The following MMRN1 variants were observed in gnomAD, a reference collection of about 807,000 sequenced individuals.
MMRN1 encodes multimerin-1.
MMRN1 carries 94 observed loss-of-function variants against 100.7 expected under a neutral mutation model. That is an observed-to-expected ratio of 0.93 (90% CI 0.79 to 1.11). MMRN1 has a LOEUF of 1.11. Ranked by LOEUF, MMRN1 falls within the 50% of genes least tolerant of loss-of-function variation. MMRN1 has a pLI of 0.00. For synonymous variants in MMRN1, 575 were observed against 505.0 expected, an observed-to-expected ratio of 1.14 and a Z score of -1.86; for missense variants, 1,606 against 1,439.1, an observed-to-expected ratio of 1.12 and a Z score of -1.88.
intron 6 of MMRN1, among the ~76,000 whole-genome samples, chr4:89,937,418 C>G (rs954029965): frequency 1.3e-5 from 2 of 151,986 alleles, no homozygotes; most frequent in Admixed American, 1.3e-4. Flanking sequence ...AGGGATGTTA[C>G]TGAATGAATA....
chr4:89,891,479 CTTTAAG>C (rs1339865813), upstream of MMRN1, among the ~76,000 whole-genome samples: 3 of 152,200 alleles, frequency 2.0e-5, no homozygotes, highest in South Asian at 4.1e-4. Flanking sequence ...TATTTAACTT[CTTTAAG>C]TTTAACTTCC....
rs959024049 is a variant in MMRN1 at position 89,951,892 on chromosome 4, G to A, written c.3265+141G>A. ...TCCTTTTACTTTTTCGAAACTTACT[G>A]AAGAATGTACCTGATTTACAAGTGG... On this transcript the variant is annotated intron_variant, in intron 7 of 7. Transcript: ENST00000264790. 4 of 946,308 alleles carry A rather than the reference G, an allele frequency of 4.2e-6. No homozygotes were observed. The Middle Eastern group carries it at 1.0e-3, about 241-fold the overall frequency. The allele number at this position is 946,308 out of a possible 1,614,324, so 58.6% of individuals were successfully genotyped here.
At chr4:89,938,182 C>G (rs1318422501) in intron 6 of MMRN1, among the ~76,000 whole-genome samples, 1 of 151,590 alleles carries the variant, frequency 6.6e-6, no homozygotes, top group African/African-American at 2.4e-5. Context: ...TGAATTATCT[C>G]TACTATTTAA....
rs1370172674 is a variant in MMRN1 at position 89,954,562 on chromosome 4, G to A, written c.*1144G>A. The stretch of plus-strand genomic sequence containing the variant: ...ATACATTCCTTGGATATCTGACAAC[G>A]TGTTTCTGAAAAACAGATTTTCATA... On this transcript the variant is annotated 3_prime_UTR_variant, in exon 8 of 8. Coordinates refer to ENST00000264790, the MANE Select transcript of MMRN1 (RefSeq NM_007351.3). 2.0e-5 allele frequency: 3 copies of A among 152,046 alleles called. No homozygotes were observed. The highest frequency in any genetic ancestry group is 4.4e-5 in the Non-Finnish European group (3 of 67,996). The allele number at this position is 152,046 out of a possible 1,614,324, so 9.4% of individuals were successfully genotyped here. A position where few individuals can be genotyped will look rare whatever the true frequency, so the allele number is the denominator to read the frequency against.
chr4:89,910,974 A>G (rs1429663392), intron 2 of MMRN1, among the ~76,000 whole-genome samples: 3 of 151,454 alleles, frequency 2.0e-5, no homozygotes, highest in Admixed American at 6.6e-5. Context: ...AGGCTAGCCC[A>G]CATGACATGG....
intron 1 of MMRN1, 130 bp downstream of exon 1, chr4:89,895,724 C>T (rs1265533185): frequency 1.5e-6 from 2 of 1,377,888 alleles, no homozygotes; most frequent in South Asian, 1.6e-5. Context: ...TATAATTTCA[C>T]CATTTCAGTT....
intron 1 of MMRN1, among the ~76,000 whole-genome samples, chr4:89,886,274 T>C (rs998496032): frequency 6.6e-6 from 1 of 152,118 alleles, no homozygotes; most frequent in Admixed American, 6.6e-5. Flanking sequence ...CAGTTACACA[T>C]ATTTAAGACA....
intron 5 of MMRN1, 54 bp from the exon 6 acceptor site, chr4:89,934,756 G>T: frequency 9.6e-7 from 1 of 1,040,926 alleles, no homozygotes. Flanking sequence ...TTTTAGAGAT[G>T]CTTAAAGTCT....
chr4:89,928,785 GATA>G (rs1268071842), intron 5 of MMRN1, among the ~76,000 whole-genome samples: 1 of 152,070 alleles, frequency 6.6e-6, no homozygotes, highest in African/African-American at 2.4e-5. Context: ...GACCTACCTG[GATA>G]ATCAGAAAAA....
intron 1 of MMRN1, among the ~76,000 whole-genome samples, chr4:89,901,568 C>T (rs567548313): frequency 1.3e-4 from 19 of 151,988 alleles, no homozygotes; most frequent in African/African-American, 4.6e-4. Context: ...TATTATTAGG[C>T]CTAATAACAT....
chr4:89,881,091 C>A (rs190475884), intron 1 of MMRN1, among the ~76,000 whole-genome samples: 28 of 152,166 alleles, frequency 1.8e-4, no homozygotes, highest in African/African-American at 6.5e-4. Flanking sequence ...AATTGCTTTG[C>A]CTGTATTCAC....
At chr4:89,902,551 G>C (rs1022154797) in intron 1 of MMRN1, among the ~76,000 whole-genome samples, 1 of 151,856 alleles carries the variant, frequency 6.6e-6, no homozygotes, top group African/African-American at 2.4e-5. Flanking sequence ...CATACATTCG[G>C]CTCGTTCTCA....
intron 3 of MMRN1, among the ~76,000 whole-genome samples, chr4:89,922,821 G>C (rs1425142263): frequency 6.6e-6 from 1 of 152,134 alleles, no homozygotes; most frequent in Non-Finnish European, 1.5e-5. Flanking sequence ...TTATAAGAAT[G>C]CTATAGCTTT....
At chr4:89,893,329 A>AATACACTT (rs1375409319), upstream of MMRN1, among the ~76,000 whole-genome samples, 5 of 152,074 alleles carry the variant, frequency 3.3e-5, no homozygotes, top group African/African-American at 1.2e-4. Flanking sequence ...GTAGGTCAAC[A>AATACACTT]ATACACTTAC....
intron 5 of MMRN1, among the ~76,000 whole-genome samples, chr4:89,933,514 A>G (rs1256466159): frequency 6.6e-6 from 1 of 152,192 alleles, no homozygotes; most frequent in Non-Finnish European, 1.5e-5. Context: ...TGGGTAATTT[A>G]TAAAGAAAAA....
chr4:89,928,115 C>T, intron 5 of MMRN1, 147 bp downstream of exon 5: 1 of 566,668 alleles, frequency 1.8e-6, no homozygotes, highest in Non-Finnish European at 3.0e-6. Flanking sequence ...GATATAAATT[C>T]ACTAAAATTC....
intron 1 of MMRN1, among the ~76,000 whole-genome samples, chr4:89,883,823 G>C (rs1444348081): frequency 6.6e-6 from 1 of 151,988 alleles, no homozygotes; most frequent in Non-Finnish European, 1.5e-5. Flanking sequence ...TCTATACCAA[G>C]ACCATGAAGA....
Position 89,934,898 on chromosome 4 carries a change from A to T in MMRN1, c.1218A>T (p.Val406=), listed in dbSNP as rs1722553634. The T allele has an allele frequency of 3.7e-6, 6 of 1,611,110 alleles. No homozygotes were observed. The African/African-American group carries it at 4.0e-5, about 11-fold the overall frequency. ...TTCAAAATGACATGCAAGAGACTGTAGCACAGCTCTTCAAGACTGTATCAA... is the reference window on the plus strand; with the variant it reads ...TTCAAAATGACATGCAAGAGACTGTTGCACAGCTCTTCAAGACTGTATCAA... ...KIFQNDMQET[V]AQLFKTVSSL... is the part of the protein sequence containing the mutation. The change falls in exon 6 of 8, where the codon GTA becomes GTT. Residue 406 remains valine, a synonymous_variant. Transcript: ENST00000264790.
chr4:89,932,522 A>C (rs1477194858), intron 5 of MMRN1, among the ~76,000 whole-genome samples: 1 of 152,152 alleles, frequency 6.6e-6, no homozygotes, highest in South Asian at 2.1e-4. Context: ...GAGGTTCTCT[A>C]TGAAGGCTGT....
Sources: gnomAD v4.1 joint callset for allele counts (sites outside exome capture counted in the v4.1 genomes callset) on GRCh38, gnomAD v4.1.1 for gene constraint, MANE v1.5 for transcripts, NCBI Gene and HGNC (gene_info 2026-07-23, HGNC 2026-07-21) for gene names.